Variants in KLF13 observed in about 807,000 individuals in gnomAD.
KLF13 encodes Krueppel-like factor 13.
A neutral mutation model predicts 16.7 loss-of-function variants in KLF13; 8 were observed. That is an observed-to-expected ratio of 0.48 (90% CI 0.28 to 0.87). KLF13 has a LOEUF of 0.87. Among genes scored for constraint, KLF13 ranks in the 40% least tolerant of loss-of-function variants. The pLI is 0.10. For missense variants in KLF13, 447 were observed against 452.2 expected, an observed-to-expected ratio of 0.99 and a Z score of 0.10; for synonymous variants, 245 against 208.4, an observed-to-expected ratio of 1.18 and a Z score of -1.51.
At position 31,414,523 on chromosome 15, in the gene KLF13, A is replaced by G. The variant is rs918292982; in HGVS notation, n.117+20832A>G. Among the ~76,000 whole-genome samples the G allele has an allele frequency of 1.6e-4, 24 of 152,306 alleles. 1 individual carries two copies. The highest frequency in any genetic ancestry group is 3.4e-3 in the Middle Eastern group (1 of 294). The stretch of plus-strand genomic sequence containing the variant: ...ATACAAATAGATTGACAGTAAAAAG[A>G]TGGAAAAAGATATGTCATGAAAACA... On this transcript the variant is annotated intron_variant and non_coding_transcript_variant, in intron 1 of 1. Transcript: ENST00000558225.
At chr15:31,404,662 A>T (rs1191345160) in exon 3 of KLF13, 1 of 152,260 alleles carries the variant, frequency 6.6e-6, no homozygotes, top group Non-Finnish European at 1.5e-5. Flanking sequence ...CAGGCAACCC[A>T]CTGGGTCCCC....
intron 1 of KLF13, among the ~76,000 whole-genome samples, chr15:31,367,397 G>T (rs1350545017): frequency 1.3e-5 from 2 of 152,234 alleles, no homozygotes; most frequent in African/African-American, 4.8e-5. Context: ...AAAGCATAAA[G>T]CTCCTGATAT....
chr15:31,382,459 C>T (rs922473843), downstream of KLF13, among the ~76,000 whole-genome samples: 2 of 152,194 alleles, frequency 1.3e-5, no homozygotes, highest in African/African-American at 4.8e-5. Context: ...CTTTTAAGCT[C>T]TGAGTTCTAA....
downstream of KLF13, among the ~76,000 whole-genome samples, chr15:31,406,908 C>T (rs2040136260): frequency 6.6e-6 from 1 of 152,168 alleles, no homozygotes; most frequent in Non-Finnish European, 1.5e-5. Flanking sequence ...TCTCGCCTCC[C>T]TCTTATGAGG....
At chr15:31,429,778 G>A (rs575328559) in intron 1 of KLF13, among the ~76,000 whole-genome samples, 1 of 151,342 alleles carries the variant, frequency 6.6e-6, no homozygotes, top group African/African-American at 2.4e-5. Flanking sequence ...CTGTCATCCA[G>A]GCTGGAGTGC....
chr15:31,431,699 T>C (rs1231954893), intron 1 of KLF13, among the ~76,000 whole-genome samples: 1 of 152,132 alleles, frequency 6.6e-6, no homozygotes, highest in Non-Finnish European at 1.5e-5. Context: ...CTCCTGACCT[T>C]GTGATCCTCC....
chr15:31,388,958 T>A (rs752714011), upstream of KLF13, among the ~76,000 whole-genome samples: 2 of 152,034 alleles, frequency 1.3e-5, no homozygotes, highest in Non-Finnish European at 2.9e-5. Flanking sequence ...CCTCCTACTT[T>A]GTGATTTATG....
At chr15:31,369,017 T>C (rs900589079) in intron 1 of KLF13, among the ~76,000 whole-genome samples, 5 of 152,244 alleles carry the variant, frequency 3.3e-5, no homozygotes, top group Non-Finnish European at 7.3e-5. Flanking sequence ...TTATCAAATT[T>C]AGATATTTTC....
In KLF13 at chr15:31,423,164, T is replaced by TATACGTATATATAC. The variant is rs371896440; in HGVS notation, n.118-12206_118-12205insATACGTATATATAC. Among the ~76,000 whole-genome samples the TATACGTATATATAC allele has an allele frequency of 3.9e-4, 10 of 25,372 alleles. 2 individuals carry two copies. Among genetic ancestry groups the TATACGTATATATAC allele is most frequent in the African/African-American group, 3.6e-3 (10 of 2,802 alleles). The allele number at this position is 25,372 out of a possible 152,430, so 16.6% of individuals were successfully genotyped here. A position where few individuals can be genotyped will look rare whatever the true frequency, so the allele number is the denominator to read the frequency against. On this transcript the variant is annotated intron_variant and non_coding_transcript_variant, in intron 1 of 1. Coordinates refer to the KLF13 transcript ENST00000558225. ...GTATACGTATATATACGTATATATA[T>TATACGTATATATAC]GTATATATATACATATATACGTATA...
At chr15:31,390,201 C>G (rs2039843711), upstream of KLF13, among the ~76,000 whole-genome samples, 1 of 152,164 alleles carries the variant, frequency 6.6e-6, no homozygotes, top group Admixed American at 6.5e-5. Context: ...TGAGTGGGAG[C>G]ACAGCCCCGG....
intron 1 of KLF13, among the ~76,000 whole-genome samples, chr15:31,414,728 T>G (rs1430380547): frequency 6.6e-6 from 1 of 152,130 alleles, no homozygotes; most frequent in Non-Finnish European, 1.5e-5. Flanking sequence ...TGGAAAAAAC[T>G]GACAGAAATG....
chr15:31,398,698 C>T (rs2039990146), intron 2 of KLF13, among the ~76,000 whole-genome samples: 1 of 152,070 alleles, frequency 6.6e-6, no homozygotes, highest in African/African-American at 2.4e-5. Context: ...TTGGAGCAGG[C>T]CCCCAGGCCT....
At chr15:31,397,806 G>A (rs1162433927) in intron 2 of KLF13, among the ~76,000 whole-genome samples, 2 of 151,572 alleles carry the variant, frequency 1.3e-5, no homozygotes, top group African/African-American at 2.4e-5. Flanking sequence ...AGATGAGGAC[G>A]TGGAGGGGGT....
At chr15:31,401,789 T>C (rs2040040350) in intron 2 of KLF13, among the ~76,000 whole-genome samples, 1 of 152,320 alleles carries the variant, frequency 6.6e-6, no homozygotes, top group African/African-American at 2.4e-5. Context: ...GTCCTCTGGC[T>C]GCATGGCCCA....
At chr15:31,378,422 C>T (rs1439971931), downstream of KLF13, among the ~76,000 whole-genome samples, 2 of 152,170 alleles carry the variant, frequency 1.3e-5, no homozygotes, top group Non-Finnish European at 2.9e-5. Flanking sequence ...CACTGGGAGT[C>T]TGGGGAGTAG....
At chr15:31,350,793 G>A (rs1000865429) in intron 1 of KLF13, among the ~76,000 whole-genome samples, 3 of 152,250 alleles carry the variant, frequency 2.0e-5, no homozygotes, top group African/African-American at 7.2e-5. Flanking sequence ...CAGTGGAGAA[G>A]GTGAGGCTAA....
chr15:31,331,670 C>T (rs2038836350), intron 1 of KLF13, among the ~76,000 whole-genome samples: 1 of 152,192 alleles, frequency 6.6e-6, no homozygotes, highest in East Asian at 1.9e-4. Flanking sequence ...CACGCCCACC[C>T]CTCCCTCTCG....
chr15:31,421,607 C>T (rs923921531), intron 1 of KLF13, among the ~76,000 whole-genome samples: 1 of 151,894 alleles, frequency 6.6e-6, no homozygotes, highest in African/African-American at 2.4e-5. Flanking sequence ...ACTTAATCCC[C>T]ATGGTAATCA....
At chr15:31,342,010 G>A (rs532676574) in intron 1 of KLF13, among the ~76,000 whole-genome samples, 5 of 152,292 alleles carry the variant, frequency 3.3e-5, no homozygotes, top group South Asian at 4.1e-4. Flanking sequence ...TGAGCCTCAC[G>A]TGTTACCAGG....
Sources: allele counts gnomAD v4.1 joint callset (sites outside exome capture counted in the v4.1 genomes callset), GRCh38; gene constraint gnomAD v4.1.1; transcripts MANE v1.5; gene names NCBI Gene and HGNC (gene_info 2026-07-23, HGNC 2026-07-21).